The following STS variants were observed in gnomAD, a reference collection of about 807,000 sequenced individuals.
STS encodes the protein steryl-sulfatase.
In STS, 7 loss-of-function variants were observed where a neutral mutation model predicts 26.8. The observed-to-expected ratio is 0.26, with a 90% CI of 0.15 to 0.49. The LOEUF (loss-of-function observed/expected upper bound fraction) is 0.49, where lower values mean the gene tolerates loss of function less well. STS is among the 20% of genes least tolerant of loss of function. The probability of loss-of-function intolerance (pLI) is 0.98; values close to 1 mark genes in which losing one functional copy is unlikely to be tolerated. For missense variants in STS, 434 were observed against 465.6 expected (o/e 0.93, Z 0.63); for synonymous variants, 199 against 189.4 (o/e 1.05, Z -0.42).
chrX:7,149,722 C>G (rs1439137080), intron 1 of STS, among the ~76,000 whole-genome samples: 1 of 111,927 alleles, frequency 8.9e-6, no homozygotes, highest in African/African-American at 3.2e-5. Context: ...TGTCAGCAGT[C>G]TTAATTCCTT....
At chrX:7,289,511 C>T (rs1019096177) in intron 7 of STS, among the ~76,000 whole-genome samples, 2 of 111,183 alleles carry the variant, frequency 1.8e-5, no homozygotes, top group Non-Finnish European at 3.8e-5. Context: ...ACATGTCTTC[C>T]CCAAGCAGTG....
At chrX:7,254,503 C>A (rs1466155954) in intron 3 of STS, among the ~76,000 whole-genome samples, 2 of 109,463 alleles carry the variant, frequency 1.8e-5, no homozygotes, top group Non-Finnish European at 3.8e-5. Context: ...TCAATACAAA[C>A]TGAATTAAAG....
intron 8 of STS, 26 bp from the exon 9 acceptor site, chrX:7,325,313 C>A (rs779137436): frequency 5.8e-6 from 7 of 1,207,277 alleles, no homozygotes; most frequent in Non-Finnish European, 7.8e-6. Context: ...TCCCTGTTGC[C>A]TCTTACCTCT....
In STS at chrX:7,334,039, C is replaced by T. The variant is rs760881586; in HGVS notation, c.1295C>T (p.Ser432Phe). ...MPLLEGKSQR[S>F]DHEFLFHYCN... ...CTGCTTGAAGGAAAAAGCCAACGCT[C>T]CGATCATGAGTTTCTCTTCCATTAC... Residue 432 changes from serine (S) to phenylalanine (F), a missense_variant, in exon 10 of 11, where the codon TCC becomes TTC. This residue lies in a region of STS where 205 missense variants were observed against 177.3 expected (regional missense o/e 1.16). Transcript: ENST00000674429. 2 of 1,211,469 alleles carry T rather than the reference C, an allele frequency of 1.7e-6. No homozygotes were observed. Among genetic ancestry groups the T allele is most frequent in the East Asian group, 5.9e-5 (2 of 33,821 alleles).
intron 2 of STS, among the ~76,000 whole-genome samples, chrX:7,205,731 T>C (rs1934209924): frequency 9.4e-6 from 1 of 106,310 alleles, no homozygotes; most frequent in Admixed American, 1.0e-4. Flanking sequence ...TAGCAATCTC[T>C]TCCTCCTGGG....
intron 6 of STS, among the ~76,000 whole-genome samples, chrX:7,263,564 G>A (rs142508480): frequency 0.013 from 1,449 of 112,318 alleles, 24 homozygotes; most frequent in African/African-American, 0.044. Flanking sequence ...CTAGGCTTGT[G>A]TAAGTGCACT....
At chrX:7,264,085 C>G (rs1371475881) in intron 6 of STS, among the ~76,000 whole-genome samples, 4 of 111,601 alleles carry the variant, frequency 3.6e-5, no homozygotes, top group Non-Finnish European at 7.5e-5. Context: ...CTGACAGGCA[C>G]TTGCTGGAGG....
At chrX:7,289,296 A>T (rs1925295846) in intron 7 of STS, among the ~76,000 whole-genome samples, 1 of 111,483 alleles carries the variant, frequency 9.0e-6, no homozygotes, top group Admixed American at 9.5e-5. Flanking sequence ...TTTGCAACCC[A>T]TGTGAGCAGG....
At chrX:7,156,553 A>AG (rs1933139578) in intron 1 of STS, among the ~76,000 whole-genome samples, 2 of 111,657 alleles carry the variant, frequency 1.8e-5, no homozygotes, top group African/African-American at 6.5e-5. Flanking sequence ...TCAATTTCCT[A>AG]GGGCCATTTA....
At chrX:7,177,403 T>C (rs1448886220) in intron 1 of STS, among the ~76,000 whole-genome samples, 1 of 57,678 alleles carries the variant, frequency 1.7e-5, no homozygotes, top group Non-Finnish European at 3.2e-5. Context: ...GAACTTTTTC[T>C]GTGTCATCAT....
intron 2 of STS, among the ~76,000 whole-genome samples, chrX:7,193,169 C>T (rs1272287203): frequency 2.7e-5 from 3 of 112,687 alleles, no homozygotes; most frequent in Non-Finnish European, 5.6e-5. Context: ...TCATTCCTAA[C>T]ACTTAGCAGC....
intron 1 of STS, among the ~76,000 whole-genome samples, chrX:7,166,209 C>T (rs1933348492): frequency 9.0e-6 from 1 of 110,790 alleles, no homozygotes; most frequent in African/African-American, 3.3e-5. Context: ...GGTCTCATCA[C>T]GTTGCCCAGG....
chrX:7,344,444 GT>G (rs1326206941), intron 10 of STS, among the ~76,000 whole-genome samples: 3 of 111,399 alleles, frequency 2.7e-5, no homozygotes, highest in Non-Finnish European at 5.7e-5. Flanking sequence ...GCCTGTCATG[GT>G]GGGAAGGTGG....
chrX:7,272,638 G>C (rs1239660125), intron 6 of STS, among the ~76,000 whole-genome samples: 2 of 111,934 alleles, frequency 1.8e-5, no homozygotes, highest in Non-Finnish European at 3.8e-5. Context: ...TCACTTGACT[G>C]CTGGGCGGGG....
At chrX:7,253,084 A>T in intron 2 of STS, 112 bp from the exon 3 acceptor site, 2 of 909,747 alleles carry the variant, frequency 2.2e-6, no homozygotes, top group Non-Finnish European at 3.1e-6. Context: ...CCAGGACTTC[A>T]AGGTTGCAGT....
chrX:7,257,665 A>G, intron 5 of STS, 77 bp downstream of exon 5: 8 of 1,148,376 alleles, frequency 7.0e-6, no homozygotes, highest in Non-Finnish European at 9.5e-6. Context: ...TTAGCAAAAG[A>G]GTGGGAGAGG....
chrX:7,334,582 C>A (rs1927923653), intron 10 of STS, among the ~76,000 whole-genome samples: 1 of 111,671 alleles, frequency 9.0e-6, no homozygotes, highest in African/African-American at 3.3e-5. Context: ...CCAGGCCCTG[C>A]TGAAATGCCA....
chrX:7,286,129 G>C (rs748308580), intron 7 of STS, among the ~76,000 whole-genome samples: 35 of 111,401 alleles, frequency 3.1e-4, no homozygotes, highest in Non-Finnish European at 5.7e-4. Flanking sequence ...TAGGTTATCT[G>C]TGTGTGTGTG....
At chrX:7,340,827 G>A (rs914257885) in intron 10 of STS, among the ~76,000 whole-genome samples, 1 of 111,861 alleles carries the variant, frequency 8.9e-6, no homozygotes, top group Non-Finnish European at 1.9e-5. Flanking sequence ...GTGAATGATG[G>A]TTGTGTCTAC....
Sources: allele counts gnomAD v4.1 joint callset (sites outside exome capture counted in the v4.1 genomes callset), GRCh38; gene constraint gnomAD v4.1.1; regional missense constraint gnomAD v4.1.1; transcripts MANE v1.5; gene names NCBI Gene and HGNC (gene_info 2026-07-23, HGNC 2026-07-21).